IL1RAPL2: variants seen among roughly 807,000 people sequenced by gnomAD.
IL1RAPL2 encodes X-linked interleukin-1 receptor accessory protein-like 2.
IL1RAPL2 carries 3 observed loss-of-function variants against 44.1 expected under a neutral mutation model. The ratio of observed to expected loss-of-function variants is 0.07; its 90% CI spans 0.03 to 0.18. The LOEUF (loss-of-function observed/expected upper bound fraction) is 0.18. Ranked by LOEUF, IL1RAPL2 falls within the 10% of genes least tolerant of loss-of-function variation. The pLI, the probability that IL1RAPL2 is intolerant of heterozygous loss-of-function variation, is 1.00. For missense variants in IL1RAPL2, 391 were observed against 496.4 expected (o/e 0.79, Z 2.02); for synonymous variants, 181 against 178.8 (o/e 1.01, Z -0.10).
At chrX:105,353,205 TG>T (rs939706435) in intron 5 of IL1RAPL2, among the ~76,000 whole-genome samples, 4 of 111,858 alleles carry the variant, frequency 3.6e-5, no homozygotes, top group Admixed American at 2.9e-4. Flanking sequence ...CCCCATTTCT[TG>T]TTTTTGTCAG....
chrX:105,645,279 A>T (rs1355265121), intron 6 of IL1RAPL2, among the ~76,000 whole-genome samples: 2 of 111,110 alleles, frequency 1.8e-5, no homozygotes, highest in Non-Finnish European at 3.8e-5. Context: ...AGCTTTGTCC[A>T]ATGGGCCCAG....
intron 2 of IL1RAPL2, among the ~76,000 whole-genome samples, chrX:104,826,441 C>T (rs1921452119): frequency 9.0e-6 from 1 of 111,620 alleles, no homozygotes; most frequent in Non-Finnish European, 1.9e-5. Context: ...GTTTTTTAAT[C>T]CTGAGTTCTA....
intron 2 of IL1RAPL2, among the ~76,000 whole-genome samples, chrX:104,823,069 G>T (rs1320001909): frequency 9.0e-6 from 1 of 110,847 alleles, no homozygotes; most frequent in Non-Finnish European, 1.9e-5. Flanking sequence ...GTCTATTACT[G>T]GTGTATAGGG....
At chrX:105,210,369 A>T (rs911059883) in intron 3 of IL1RAPL2, among the ~76,000 whole-genome samples, 1 of 111,273 alleles carries the variant, frequency 9.0e-6, no homozygotes, top group Admixed American at 9.6e-5. Context: ...ACTCCACCCT[A>T]TACCCTAATG....
intron 4 of IL1RAPL2, among the ~76,000 whole-genome samples, chrX:105,255,986 C>A (rs774283523): frequency 8.0e-5 from 9 of 112,096 alleles, no homozygotes; most frequent in Admixed American, 1.9e-4. Flanking sequence ...ACCAACCTTG[C>A]ATCTCAGGGA....
chrX:105,234,969 A>C (rs782070526), intron 4 of IL1RAPL2, among the ~76,000 whole-genome samples: 1 of 110,796 alleles, frequency 9.0e-6, no homozygotes, highest in African/African-American at 3.3e-5. Context: ...AGAGTGGAGG[A>C]AGCTGCCAAG....
chrX:104,692,729 TAATCC>T (rs1445862454), intron 2 of IL1RAPL2, among the ~76,000 whole-genome samples: 1 of 111,945 alleles, frequency 8.9e-6, no homozygotes, highest in Non-Finnish European at 1.9e-5. Context: ...CACATTTTCT[TAATCC>T]AATCTATCAT....
At chrX:105,352,797 ATTTG>A (rs1359959583) in intron 5 of IL1RAPL2, among the ~76,000 whole-genome samples, 2 of 109,753 alleles carry the variant, frequency 1.8e-5, no homozygotes, top group African/African-American at 6.6e-5. Context: ...TTTCTTGTAA[ATTTG>A]TTTGAGTTCA....
intron 5 of IL1RAPL2, among the ~76,000 whole-genome samples, chrX:105,292,942 T>A (rs2034625035): frequency 9.2e-6 from 1 of 109,193 alleles, no homozygotes; most frequent in African/African-American, 3.3e-5. Context: ...TGAAACTCCA[T>A]CTCTACTAAA....
chrX:105,564,665 A>G (rs2036962288), intron 6 of IL1RAPL2, among the ~76,000 whole-genome samples: 1 of 111,880 alleles, frequency 8.9e-6, no homozygotes, highest in Non-Finnish European at 1.9e-5. Context: ...GAGAAGTGTT[A>G]GCAAAGAAAG....
At chrX:104,855,734 A>G (rs1417992239) in intron 2 of IL1RAPL2, among the ~76,000 whole-genome samples, 5 of 85,984 alleles carry the variant, frequency 5.8e-5, no homozygotes, top group African/African-American at 2.0e-4. Flanking sequence ...CTAGAGTGCA[A>G]TGACACTGTA....
intron 2 of IL1RAPL2, among the ~76,000 whole-genome samples, chrX:105,043,386 T>G (rs73520212): frequency 0.068 from 7,411 of 109,217 alleles, 693 homozygotes; most frequent in African/African-American, 0.23. Context: ...TGGCATACTA[T>G]TGTTCTTCAA....
chrX:105,382,833 G>A (rs1367623474), intron 5 of IL1RAPL2, among the ~76,000 whole-genome samples: 7 of 107,896 alleles, frequency 6.5e-5, no homozygotes, highest in Admixed American at 4.0e-4. Flanking sequence ...CATGGATGAA[G>A]CTGGAAACCA....
intron 6 of IL1RAPL2, among the ~76,000 whole-genome samples, chrX:105,537,313 A>G (rs1416987456): frequency 9.0e-6 from 1 of 111,523 alleles, no homozygotes; most frequent in Non-Finnish European, 1.9e-5. Flanking sequence ...CCAGGAACCC[A>G]TAATTTAATG....
chrX:104,722,812 G>A (rs1346257982), intron 2 of IL1RAPL2, among the ~76,000 whole-genome samples: 1 of 111,796 alleles, frequency 8.9e-6, no homozygotes, highest in Non-Finnish European at 1.9e-5. Flanking sequence ...CACAGGACAT[G>A]CATGGAAACC....
At chrX:105,109,059 A>G (rs2032775601) in intron 2 of IL1RAPL2, among the ~76,000 whole-genome samples, 1 of 111,736 alleles carries the variant, frequency 8.9e-6, no homozygotes, top group South Asian at 3.7e-4. Context: ...CTTACATTTC[A>G]GATTTCAGTT....
intron 2 of IL1RAPL2, among the ~76,000 whole-genome samples, chrX:104,843,914 A>G (rs996808683): frequency 9.0e-6 from 1 of 110,964 alleles, no homozygotes; most frequent in Admixed American, 9.6e-5. Context: ...ATCTTGGTCT[A>G]TCTGAGAGAA....
At chrX:104,777,475 T>C (rs1932736352) in intron 2 of IL1RAPL2, among the ~76,000 whole-genome samples, 1 of 109,555 alleles carries the variant, frequency 9.1e-6, no homozygotes, top group Non-Finnish European at 1.9e-5. Flanking sequence ...CTTCCACTCC[T>C]TGGTTATTGT....
chrX:105,167,644 C>A (rs1289360079), intron 2 of IL1RAPL2, among the ~76,000 whole-genome samples: 1 of 85,089 alleles, frequency 1.2e-5, no homozygotes, highest in Non-Finnish European at 2.2e-5. Flanking sequence ...CCCACATACC[C>A]ACATCCATGT....
Sources: allele counts gnomAD v4.1 joint callset (sites outside exome capture counted in the v4.1 genomes callset), GRCh38; gene constraint gnomAD v4.1.1; transcripts MANE v1.5; gene names NCBI Gene and HGNC (gene_info 2026-07-23, HGNC 2026-07-21).